MARCHF11: variants seen among roughly 807,000 people sequenced by gnomAD.
The protein encoded by MARCHF11 is membrane associated ring-CH-type finger 11, also known as E3 ubiquitin-protein ligase MARCHF11.
MARCHF11 carries 29 observed loss-of-function variants against 37.3 expected under a neutral mutation model. That is an observed-to-expected ratio of 0.78 (90% CI 0.58 to 1.06). The LOEUF (loss-of-function observed/expected upper bound fraction) is 1.06. MARCHF11 is among the 50% of genes least tolerant of loss of function. The pLI, the probability that MARCHF11 is intolerant of heterozygous loss-of-function variation, is 0.00. For missense variants in MARCHF11, 482 were observed against 533.4 expected (o/e 0.90, Z 0.95); for synonymous variants, 233 against 228.0 (o/e 1.02, Z -0.20).
At chr5:16,159,254 T>TG (rs34844382) in intron 2 of MARCHF11, among the ~76,000 whole-genome samples, 8,363 of 152,004 alleles carry the variant, frequency 0.055, 246 homozygotes, top group East Asian at 0.11. Flanking sequence ...AGAAGCTTCC[T>TG]GCTCCTAAAG....
chr5:16,075,490 T>C (rs2126545685), intron 3 of MARCHF11, among the ~76,000 whole-genome samples: 1 of 152,304 alleles, frequency 6.6e-6, no homozygotes, highest in African/African-American at 2.4e-5. Flanking sequence ...TAATCAGCTG[T>C]GTGCTCCCTG....
intron 3 of MARCHF11, among the ~76,000 whole-genome samples, chr5:16,085,079 T>C (rs1736673206): frequency 6.6e-6 from 1 of 152,032 alleles, no homozygotes; most frequent in Non-Finnish European, 1.5e-5. Context: ...GAACAGGCAA[T>C]AACAGGATCA....
At chr5:16,076,731 G>T (rs763007989) in intron 3 of MARCHF11, among the ~76,000 whole-genome samples, 1 of 152,160 alleles carries the variant, frequency 6.6e-6, no homozygotes, top group African/African-American at 2.4e-5. Context: ...GTGATGTAGT[G>T]TGGCTTGCTC....
chr5:16,178,122 A>T (rs146942401), intron 1 of MARCHF11, among the ~76,000 whole-genome samples: 12 of 152,350 alleles, frequency 7.9e-5, no homozygotes, highest in African/African-American at 2.9e-4. Flanking sequence ...TGTCTGCAAG[A>T]TATAGCTCCC....
intron 3 of MARCHF11, among the ~76,000 whole-genome samples, chr5:16,084,244 C>A (rs983781304): frequency 2.0e-5 from 3 of 152,162 alleles, no homozygotes; most frequent in Admixed American, 2.0e-4. Context: ...GTATTACCAA[C>A]TGGTAATTCA....
At chr5:16,124,788 C>T (rs191468282) in intron 2 of MARCHF11, among the ~76,000 whole-genome samples, 3 of 142,586 alleles carry the variant, frequency 2.1e-5, no homozygotes, top group African/African-American at 7.4e-5. Context: ...CAATTCAGGA[C>T]AATTAAAACC....
At chr5:16,163,557 G>T (rs1455277476) in intron 2 of MARCHF11, among the ~76,000 whole-genome samples, 1 of 151,886 alleles carries the variant, frequency 6.6e-6, no homozygotes, top group Non-Finnish European at 1.5e-5. Context: ...CCAACTATAT[G>T]CTTTTTGTAA....
intron 2 of MARCHF11, among the ~76,000 whole-genome samples, chr5:16,108,194 A>G (rs1191940443): frequency 6.6e-6 from 1 of 152,108 alleles, no homozygotes; most frequent in Non-Finnish European, 1.5e-5. Flanking sequence ...CCCTAGACAT[A>G]ATCAGAGCTG....
At chr5:16,114,955 T>C (rs10036036) in intron 2 of MARCHF11, among the ~76,000 whole-genome samples, 77,008 of 151,818 alleles carry the variant, frequency 0.51, 20,318 homozygotes, top group African/African-American at 0.66. Context: ...AACCATTTAC[T>C]TAAGTTCTTC....
At chr5:16,095,880 G>C (rs1736859634) in intron 2 of MARCHF11, among the ~76,000 whole-genome samples, 1 of 152,156 alleles carries the variant, frequency 6.6e-6, no homozygotes, top group African/African-American at 2.4e-5. Flanking sequence ...GTGCACCACA[G>C]AGCTGAGCAC....
At chr5:16,080,560 A>G (rs1736590000) in intron 3 of MARCHF11, among the ~76,000 whole-genome samples, 1 of 152,134 alleles carries the variant, frequency 6.6e-6, no homozygotes, top group African/African-American at 2.4e-5. Context: ...GAATGAGCCT[A>G]TGACCTTTCT....
chr5:16,130,281 C>CAA (rs1491378280), intron 2 of MARCHF11, among the ~76,000 whole-genome samples: 5 of 150,982 alleles, frequency 3.3e-5, no homozygotes, highest in African/African-American at 7.4e-5. Context: ...CACACACACA[C>CAA]AAAAGATGTG....
At chr5:16,115,022 G>A (rs1001994007) in intron 2 of MARCHF11, among the ~76,000 whole-genome samples, 1 of 151,938 alleles carries the variant, frequency 6.6e-6, no homozygotes, top group African/African-American at 2.4e-5. Context: ...AGGCTGCTAC[G>A]ATTATTTCAT....
intron 2 of MARCHF11, among the ~76,000 whole-genome samples, chr5:16,144,017 A>C (rs2126593598): frequency 6.6e-6 from 1 of 152,276 alleles, no homozygotes; most frequent in South Asian, 2.1e-4. Flanking sequence ...AAGCCAGCTG[A>C]ATTTCTTTGT....
At chr5:16,111,870 G>A (rs982434840) in intron 2 of MARCHF11, among the ~76,000 whole-genome samples, 2 of 152,180 alleles carry the variant, frequency 1.3e-5, no homozygotes, top group Non-Finnish European at 1.5e-5. Flanking sequence ...GGTGCCCTGT[G>A]TCCCAGCCAC....
chr5:16,125,617 C>CTG (rs1341847972), intron 2 of MARCHF11, among the ~76,000 whole-genome samples: 46 of 117,024 alleles, frequency 3.9e-4, no homozygotes, highest in African/African-American at 1.5e-3. Flanking sequence ...CTGGCACACT[C>CTG]TCTGTGTGTG....
In MARCHF11 at chr5:16,152,980, T is replaced by C. The variant is rs558987443; in HGVS notation, c.693+24746A>G. On this transcript the variant is annotated intron_variant, in intron 2 of 3. Coordinates refer to ENST00000332432, the MANE Select transcript of MARCHF11 (RefSeq NM_001102562.3). ...AAATCATTCACTTCAACTTCCCTTA[T>C]TGATGCATTGTCCAATGTTCCATGT... Among the ~76,000 whole-genome samples, 3 of 152,102 alleles carry C rather than the reference T, an allele frequency of 2.0e-5. No homozygotes were observed. In the South Asian group the frequency reaches 6.2e-4, roughly 31 times the overall value.
At chr5:16,117,397 C>A (rs6883104) in intron 2 of MARCHF11, among the ~76,000 whole-genome samples, 77,583 of 152,078 alleles carry the variant, frequency 0.51, 20,679 homozygotes, top group African/African-American at 0.67. Context: ...AACTTTTCTT[C>A]AATTGATTCA....
At chr5:16,088,251 C>T (rs752329851) in intron 3 of MARCHF11, among the ~76,000 whole-genome samples, 2 of 152,182 alleles carry the variant, frequency 1.3e-5, no homozygotes, top group Non-Finnish European at 2.9e-5. Context: ...CCTGTGCATA[C>T]GTCCACAACT....
Sources: allele counts gnomAD v4.1 joint callset (sites outside exome capture counted in the v4.1 genomes callset), GRCh38; gene constraint gnomAD v4.1.1; transcripts MANE v1.5; gene names NCBI Gene and HGNC (gene_info 2026-07-23, HGNC 2026-07-21).